FBN1: variants seen among roughly 807,000 people sequenced by gnomAD.
FBN1 encodes fibrillin 1, also known as fibrillin-1.
FBN1 carries 29 observed loss-of-function variants against 365.1 expected under a neutral mutation model. The observed-to-expected ratio is 0.08, with a 90% CI of 0.06 to 0.11. The LOEUF (loss-of-function observed/expected upper bound fraction) is 0.11, where lower values mean the gene tolerates loss of function less well. FBN1 is among the 10% of genes least tolerant of loss of function. The pLI is 1.00. For missense variants in FBN1, 2,476 were observed against 3,703.2 expected, an observed-to-expected ratio of 0.67 and a Z score of 8.60; for synonymous variants, 1,210 against 1,270.5, an observed-to-expected ratio of 0.95 and a Z score of 1.01.
At chr15:48,588,007 G>A (rs2044449959) in intron 6 of FBN1, among the ~76,000 whole-genome samples, 2 of 152,070 alleles carry the variant, frequency 1.3e-5, no homozygotes, top group African/African-American at 4.8e-5. Context: ...TGAAGAGCTG[G>A]AGAAGCAGCA....
intron 6 of FBN1, among the ~76,000 whole-genome samples, chr15:48,587,969 C>G (rs980994370): frequency 1.3e-5 from 2 of 152,090 alleles, no homozygotes; most frequent in African/African-American, 4.8e-5. Flanking sequence ...AATGCAGCCT[C>G]TCTTTGATTT....
intron 2 of FBN1, among the ~76,000 whole-genome samples, chr15:48,634,322 T>C (rs1890049423): frequency 6.6e-6 from 1 of 152,244 alleles, no homozygotes; most frequent in Non-Finnish European, 1.5e-5. Context: ...ACGAATCTTT[T>C]CTGGCATCCA....
intron 6 of FBN1, among the ~76,000 whole-genome samples, chr15:48,567,569 A>G (rs993027068): frequency 6.6e-6 from 1 of 152,140 alleles, no homozygotes; most frequent in Non-Finnish European, 1.5e-5. Flanking sequence ...TCAACACAGA[A>G]CTATCACACC....
chr15:48,544,938 A>T (rs867399875), intron 6 of FBN1, among the ~76,000 whole-genome samples: 5 of 152,216 alleles, frequency 3.3e-5, no homozygotes, highest in African/African-American at 1.2e-4. Context: ...ATCATACAGA[A>T]TACTTTCATT....
rs1555396458 is a variant in FBN1 at position 48,456,869 on chromosome 15, T to TGC, written c.5297-108_5297-107insGC. On this transcript the variant is annotated intron_variant, in intron 43 of 65. Transcript: ENST00000316623. The stretch of plus-strand genomic sequence containing the variant: ...GTGTGTGTGTGTGTGTGTGTGTGTG[T>TGC]GTGCGTGCATGTGTTGGGGTGGTGG... 3.3e-5 allele frequency: 36 copies of TGC among 1,086,460 alleles called. No homozygotes were observed. The African/African-American group carries it at 4.4e-4, about 13-fold the overall frequency. 67.3% of individuals were successfully genotyped at this position (1,086,460 alleles called of 1,614,324 possible). A position where few individuals can be genotyped will look rare whatever the true frequency, so the allele number is the denominator to read the frequency against.
intron 23 of FBN1, among the ~76,000 whole-genome samples, chr15:48,493,914 T>C (rs1205451613): frequency 2.6e-5 from 4 of 152,224 alleles, no homozygotes; most frequent in Admixed American, 2.6e-4. Flanking sequence ...AAAAACTTCC[T>C]GTTTTTCTCT....
At chr15:48,435,774 G>GTT (rs1566895695) in intron 53 of FBN1, among the ~76,000 whole-genome samples, 2 of 35,900 alleles carry the variant, frequency 5.6e-5, no homozygotes, top group Non-Finnish European at 1.5e-4. Flanking sequence ...ATGTGTATAT[G>GTT]TGTGTGTGTG....
At chr15:48,469,958 A>AT (rs1337206687) in intron 36 of FBN1, among the ~76,000 whole-genome samples, 13 of 152,038 alleles carry the variant, frequency 8.6e-5, no homozygotes, top group East Asian at 5.8e-4. Flanking sequence ...AAAAGACCAG[A>AT]TTTTTTCCGG....
chr15:48,423,524 C>T (rs2042958369), intron 60 of FBN1, among the ~76,000 whole-genome samples: 1 of 152,210 alleles, frequency 6.6e-6, no homozygotes. Flanking sequence ...GCTGGAGCAT[C>T]ATGACACATT....
intron 42 of FBN1, among the ~76,000 whole-genome samples, chr15:48,460,600 A>T (rs1437905574): frequency 6.6e-6 from 1 of 152,160 alleles, no homozygotes; most frequent in Non-Finnish European, 1.5e-5. Context: ...AGGAGTTTGG[A>T]TTTCAATATG....
In FBN1 at chr15:48,490,479, G is replaced by A. The variant is rs182358474; in HGVS notation, c.2855-401C>T. ...AAAGCCAACTGTACTCTTTATTGTT[G>A]GAGCGTGTCTGCCCTAGTGCAATCA... On this transcript the variant is annotated intron_variant, in intron 24 of 65. Coordinates refer to ENST00000316623, the MANE Select transcript of FBN1 (RefSeq NM_000138.5). 2.8e-3 allele frequency among the ~76,000 whole-genome samples: 432 copies of A among 152,228 alleles called. 2 individuals carry two copies. Among genetic ancestry groups the A allele is most frequent in the African/African-American group, 0.01 (422 of 41,554 alleles).
At chr15:48,460,139 C>T (rs927523802) in intron 43 of FBN1, 107 bp downstream of exon 43, 11 of 777,018 alleles carry the variant, frequency 1.4e-5, no homozygotes, top group Admixed American at 9.6e-5. Flanking sequence ...AAGTGAAAGG[C>T]ATTGTTTAAT....
chr15:48,624,247 T>G (rs977423270), intron 2 of FBN1, among the ~76,000 whole-genome samples: 3 of 152,238 alleles, frequency 2.0e-5, no homozygotes, highest in African/African-American at 7.2e-5. Flanking sequence ...AAGTCAGCAC[T>G]CTTCACTTCA....
At chr15:48,618,871 T>C (rs1446551426) in intron 2 of FBN1, among the ~76,000 whole-genome samples, 1 of 152,144 alleles carries the variant, frequency 6.6e-6, no homozygotes, top group African/African-American at 2.4e-5. Context: ...CCACTCCTTA[T>C]GAGAATCTAA....
chr15:48,444,614 G>A lies in FBN1; in HGVS notation c.5964C>T (p.Thr1988=), dbSNP rs113022801. Residue 1988 remains threonine (T), a synonymous_variant, in exon 49 of 66, where the codon ACC becomes ACT. Coordinates refer to ENST00000316623, the MANE Select transcript of FBN1 (RefSeq NM_000138.5). ...TGTAGGACCCATCCAAGTTTTGACA[G>A]GTACCTGGTGCACATTTTCTGGGTT... is the stretch of plus-strand genomic sequence containing the variant. ...LLEPRKCAPG[T]CQNLDGSYRC... is the part of the protein sequence containing the mutation. 1.6e-4 allele frequency: 265 copies of A among 1,613,588 alleles called. No homozygotes were observed. Among genetic ancestry groups the A allele is most frequent in the Non-Finnish European group, 4.2e-5 (49 of 1,179,670 alleles).
In FBN1 at chr15:48,472,541, C is replaced by G. The variant is rs1475499953; in HGVS notation, c.4336+10G>C. 3.1e-6 allele frequency: 5 copies of G among 1,613,810 alleles called. No individual in the cohort carries two copies. The African/African-American group carries it at 6.7e-5, about 22-fold the overall frequency. ...CCAGCAAGGCTCCCAGTGGCTTCCCCATCAGTTACCTTCACAGGCTTTCCC... is the reference window on the plus strand; with the variant it reads ...CCAGCAAGGCTCCCAGTGGCTTCCCGATCAGTTACCTTCACAGGCTTTCCC... On this transcript the variant is annotated intron_variant, in intron 35 of 65. Coordinates refer to ENST00000316623, the MANE Select transcript of FBN1 (RefSeq NM_000138.5).
At chr15:48,413,222 G>A (rs1459155743) in intron 64 of FBN1, among the ~76,000 whole-genome samples, 2 of 152,156 alleles carry the variant, frequency 1.3e-5, no homozygotes, top group African/African-American at 2.4e-5. Flanking sequence ...CTCAAGCTTT[G>A]GAGCAATTGC....
At chr15:48,412,871 C>G in intron 64 of FBN1, 128 bp from the exon 65 acceptor site, 1 of 1,099,746 alleles carries the variant, frequency 9.1e-7, no homozygotes, top group East Asian at 2.4e-5. Flanking sequence ...ACTGGAGGAT[C>G]AGCTAGTTCT....
chr15:48,628,148 C>G (rs887013139), intron 2 of FBN1, among the ~76,000 whole-genome samples: 3 of 152,140 alleles, frequency 2.0e-5, no homozygotes, highest in African/African-American at 7.2e-5. Flanking sequence ...CATGCACATG[C>G]GCACGTATCA....
Sources: allele counts gnomAD v4.1 joint callset (sites outside exome capture counted in the v4.1 genomes callset), GRCh38; gene constraint gnomAD v4.1.1; transcripts MANE v1.5; gene names NCBI Gene and HGNC (gene_info 2026-07-23, HGNC 2026-07-21).